The following GFRA1 variants were observed in gnomAD, a reference collection of about 807,000 sequenced individuals.
GFRA1 encodes GDNF family receptor alpha 1, also known as GDNF family receptor alpha-1.
In GFRA1, 16 loss-of-function variants were observed where a neutral mutation model predicts 51.6. The ratio of observed to expected loss-of-function variants is 0.31; its 90% CI spans 0.21 to 0.47. The LOEUF (loss-of-function observed/expected upper bound fraction) is 0.47. Among genes scored for constraint, GFRA1 ranks in the 20% least tolerant of loss-of-function variants. The pLI is 1.00. For missense variants in GFRA1, 530 were observed against 594.3 expected, an observed-to-expected ratio of 0.89 and a Z score of 1.13; for synonymous variants, 270 against 241.3, an observed-to-expected ratio of 1.12 and a Z score of -1.10.
intron 8 of GFRA1, among the ~76,000 whole-genome samples, chr10:116,092,140 T>G: frequency 1.3e-5 from 1 of 76,104 alleles, no homozygotes; most frequent in African/African-American, 3.3e-5. Context: ...CACACACACA[T>G]TTTCAGTCGA....
chr10:116,248,352 C>T (rs900697882), intron 4 of GFRA1, among the ~76,000 whole-genome samples: 1 of 152,036 alleles, frequency 6.6e-6, no homozygotes, highest in Non-Finnish European at 1.5e-5. Context: ...TGCAATCAGG[C>T]GGGAAAGGGA....
intron 5 of GFRA1, among the ~76,000 whole-genome samples, chr10:116,173,471 G>A (rs978431077): frequency 6.6e-6 from 1 of 152,204 alleles, no homozygotes; most frequent in South Asian, 2.1e-4. Flanking sequence ...TCCTAGTTCC[G>A]CCATTTCTCC....
intron 4 of GFRA1, among the ~76,000 whole-genome samples, chr10:116,215,451 C>G (rs1286687838): frequency 1.3e-5 from 2 of 152,184 alleles, no homozygotes; most frequent in African/African-American, 4.8e-5. Context: ...GTAATATTCT[C>G]CTTTCAATCT....
rs936994055 is a variant in GFRA1 at position 116,062,047 on chromosome 10, G to A, written c.*2351C>T. 2 of 398,440 alleles carry A rather than the reference G, an allele frequency of 5.0e-6. No individual in the cohort carries two copies. The highest frequency in any genetic ancestry group is 8.8e-6 in the Non-Finnish European group (2 of 226,036). The allele number at this position is 398,440 out of a possible 1,614,324, so 24.7% of individuals were successfully genotyped here. On this transcript the variant is annotated 3_prime_UTR_variant, in exon 11 of 11. Transcript: ENST00000355422. ...TGAGATATTTGTTGGTGACAGATGAGGCTTTTCAAAATGTAATTTATATAT... is the reference window on the plus strand; with the variant it reads ...TGAGATATTTGTTGGTGACAGATGAAGCTTTTCAAAATGTAATTTATATAT...
chr10:116,133,269 C>A lies in GFRA1; in HGVS notation c.434-7712G>T, dbSNP rs1589814205. On this transcript the variant is annotated intron_variant, in intron 5 of 10. Transcript: ENST00000355422. ...ATTTTCACTTCAAATTCCACACAGC[C>A]ATGTTGTCACTTTGCAGGTTACGTA... Among the ~76,000 whole-genome samples the A allele has an allele frequency of 2.0e-5, 3 of 152,198 alleles. No homozygotes were observed. In the Middle Eastern group the frequency reaches 0.01, roughly 518 times the overall value.
In GFRA1 at chr10:116,181,551, TTTTTC is replaced by T. The variant is rs2134274737; in HGVS notation, c.433+30075_433+30079del. Among the ~76,000 whole-genome samples the T allele has an allele frequency of 2.6e-5, 4 of 152,342 alleles. No individual in the cohort carries two copies. The South Asian group carries it at 8.3e-4, about 32-fold the overall frequency. ...AATAATATCTCGATGAGCTATTCAT[TTTTTC>T]TTTTAAGAATTTATCAAAAACCTTC... is the stretch of plus-strand genomic sequence containing the variant. On this transcript the variant is annotated intron_variant, in intron 5 of 10. Coordinates refer to ENST00000355422, the MANE Select transcript of GFRA1 (RefSeq NM_005264.8).
chr10:116,102,357 C>T (rs150849709), intron 6 of GFRA1, among the ~76,000 whole-genome samples: 91 of 152,236 alleles, frequency 6.0e-4, no homozygotes, highest in African/African-American at 1.6e-3. Context: ...GCACAGCAGG[C>T]GCCAGAGGAT....
At chr10:116,079,906 C>T (rs1955778002) in intron 9 of GFRA1, among the ~76,000 whole-genome samples, 1 of 152,136 alleles carries the variant, frequency 6.6e-6, no homozygotes, top group Admixed American at 6.5e-5. Flanking sequence ...CATTTCAAAA[C>T]CCCCACTCTA....
At chr10:116,188,559 A>G (rs1962948073) in intron 5 of GFRA1, among the ~76,000 whole-genome samples, 1 of 152,144 alleles carries the variant, frequency 6.6e-6, no homozygotes, top group Non-Finnish European at 1.5e-5. Context: ...CTGCACAACA[A>G]TGTGAATATA....
At chr10:116,099,983 GAAT>G (rs1209601684) in intron 6 of GFRA1, among the ~76,000 whole-genome samples, 2 of 152,156 alleles carry the variant, frequency 1.3e-5, no homozygotes, top group Non-Finnish European at 2.9e-5. Flanking sequence ...GGTTAGACTA[GAAT>G]AAAAGAGTCA....
chr10:116,267,119 C>A (rs1454966307), intron 4 of GFRA1, among the ~76,000 whole-genome samples: 1 of 151,816 alleles, frequency 6.6e-6, no homozygotes, highest in Non-Finnish European at 1.5e-5. Context: ...CTAGCCTAGG[C>A]GACAGATCAA....
intron 6 of GFRA1, among the ~76,000 whole-genome samples, chr10:116,104,383 T>C (rs748391427): frequency 6.6e-6 from 1 of 152,232 alleles, no homozygotes; most frequent in Non-Finnish European, 1.5e-5. Flanking sequence ...TCTGGCTCCT[T>C]GGCAGCTCTT....
chr10:116,109,738 G>A (rs1043998353), intron 6 of GFRA1, among the ~76,000 whole-genome samples: 1 of 152,214 alleles, frequency 6.6e-6, no homozygotes, highest in Admixed American at 6.5e-5. Flanking sequence ...GAGTGACCCA[G>A]TAGGGGCTGG....
intron 9 of GFRA1, among the ~76,000 whole-genome samples, chr10:116,072,968 T>C (rs1271495745): frequency 6.6e-6 from 1 of 152,154 alleles, no homozygotes; most frequent in Non-Finnish European, 1.5e-5. Flanking sequence ...CTGTGGTTGA[T>C]GGTCATTCTT....
chr10:116,238,052 G>T (rs961583284), intron 4 of GFRA1, among the ~76,000 whole-genome samples: 1 of 152,202 alleles, frequency 6.6e-6, no homozygotes, highest in East Asian at 1.9e-4. Context: ...TTCCAAATGC[G>T]CCGTAAAGCT....
intron 9 of GFRA1, among the ~76,000 whole-genome samples, chr10:116,073,811 G>A (rs74356054): frequency 7.2e-5 from 11 of 152,120 alleles, no homozygotes; most frequent in East Asian, 3.9e-4. Context: ...AGCTGAGTGC[G>A]GCCCCGTAAT....
At chr10:116,083,620 A>T (rs1565561607) in intron 9 of GFRA1, among the ~76,000 whole-genome samples, 2 of 152,152 alleles carry the variant, frequency 1.3e-5, no homozygotes, top group African/African-American at 4.8e-5. Flanking sequence ...GACACTTAAA[A>T]TTTTCACTTG....
In GFRA1 at chr10:116,106,450, C is replaced by T. The variant is rs114621520; in HGVS notation, c.771-9686G>A. ...TTCTCTGAAGCCTAGTGATATAGTT[C>T]GGACGTGTGTCCCCACCCAAATCTC... On this transcript the variant is annotated intron_variant, in intron 6 of 10. Coordinates refer to ENST00000355422, the MANE Select transcript of GFRA1 (RefSeq NM_005264.8). Among the ~76,000 whole-genome samples, 694 of 152,282 alleles carry T rather than the reference C, an allele frequency of 4.6e-3. 7 individuals are homozygous for T. Among genetic ancestry groups the T allele is most frequent in the African/African-American group, 0.016 (660 of 41,562 alleles).
Position 116,249,666 on chromosome 10 carries a change from G to A in GFRA1, c.418+19837C>T, listed in dbSNP as rs190620405. Among the ~76,000 whole-genome samples the A allele has an allele frequency of 2.7e-4, 41 of 152,290 alleles. No individual in the cohort carries two copies. The Middle Eastern group carries it at 0.01, about 38-fold the overall frequency. ...GTGCTGGGCACCAAATAGCTATTTA[G>A]TAAGCATCTTCTACCTACCTAGCTC... On this transcript the variant is annotated intron_variant, in intron 4 of 10. Coordinates refer to ENST00000355422, the MANE Select transcript of GFRA1 (RefSeq NM_005264.8).
Sources: gnomAD v4.1 joint callset for allele counts (sites outside exome capture counted in the v4.1 genomes callset) on GRCh38, gnomAD v4.1.1 for gene constraint, MANE v1.5 for transcripts, NCBI Gene and HGNC (gene_info 2026-07-23, HGNC 2026-07-21) for gene names.